AKT1: variants seen among roughly 807,000 people sequenced by gnomAD.
The protein encoded by AKT1 is AKT serine/threonine kinase 1, also known as RAC-alpha serine/threonine-protein kinase.
Under a neutral mutation model 63.1 loss-of-function variants are expected in AKT1, and 21 were observed. The observed-to-expected ratio is 0.33, with a 90% CI of 0.24 to 0.48. AKT1 has a LOEUF of 0.48. AKT1 is among the 20% of genes least tolerant of loss of function. The pLI, the probability that AKT1 is intolerant of heterozygous loss-of-function variation, is 0.99. For synonymous variants in AKT1, 257 were observed against 253.1 expected, an observed-to-expected ratio of 1.02 and a Z score of -0.15; for missense variants, 382 against 666.0, an observed-to-expected ratio of 0.57 and a Z score of 4.69.
At chr14:104,779,937 C>T (rs1355970598) in intron 4 of AKT1, 151 bp downstream of exon 4, 12 of 1,184,408 alleles carry the variant, frequency 1.0e-5, no homozygotes, top group East Asian at 5.2e-5. Context: ...CCTCGGGACT[C>T]GGCCCAGAGA....
Position 104,773,994 on chromosome 14 carries a change from G to A in AKT1, c.634-14C>T. On this transcript the variant is annotated splice_polypyrimidine_tract_variant and intron_variant, in intron 8 of 14. Transcript: ENST00000649815. ...GTACTTCAGGGCCTGCAAGGAAGGG[G>A]AGCTGGAACTGCGGCCCCACAGGCA... 1.2e-6 allele frequency: 2 copies of A among 1,610,164 alleles called. No individual in the cohort carries two copies. The highest frequency in any genetic ancestry group is 1.7e-6 in the Non-Finnish European group (2 of 1,177,796).
At chr14:104,773,837 G>T in intron 9 of AKT1, 75 bp downstream of exon 9, 1 of 1,449,082 alleles carries the variant, frequency 6.9e-7, no homozygotes, top group Non-Finnish European at 9.5e-7. Context: ...AGTAGCCGAG[G>T]CTCCGGGAAG....
chr14:104,780,333 G>T, intron 3 of AKT1, 117 bp from the exon 4 acceptor site: 1 of 1,428,836 alleles, frequency 7.0e-7, no homozygotes, highest in Non-Finnish European at 9.4e-7. Context: ...TGAGTCCCAG[G>T]GGGCAGGCGC....
chr14:104,791,150 C>T (rs1294167942), intron 3 of AKT1, among the ~76,000 whole-genome samples: 2 of 152,146 alleles, frequency 1.3e-5, no homozygotes, highest in Admixed American at 6.5e-5. Flanking sequence ...CCTGGGTCAG[C>T]CCGAGATCCA....
rs1471154736 is a variant in AKT1 at position 104,792,617 on chromosome 14, C to T, written c.27G>A (p.Glu9=). The stretch of plus-strand genomic sequence containing the variant: ...ACTAACCTCGTTTGTGCAGCCAACC[C>T]TCCTTCACAATAGCCACGTCGCTCA... MSDVAIVK[E]GWLHKRGEYI... is the part of the protein sequence containing the mutation. Residue 9 remains glutamate (E), a synonymous_variant, in exon 3 of 15, where the codon GAG becomes GAA. Transcript: ENST00000649815. The T allele has an allele frequency of 1.2e-6, 2 of 1,611,870 alleles. No homozygotes were observed. Among genetic ancestry groups the T allele is most frequent in the East Asian group, 4.5e-5 (2 of 44,894 alleles).
At chr14:104,777,428 GAC>G (rs1421365139) in intron 4 of AKT1, 1 of 618,160 alleles carries the variant, frequency 1.6e-6, no homozygotes, top group East Asian at 1.4e-4. Context: ...GCACACCTGG[GAC>G]ACAGCCACAC....
chr14:104,775,246 A>G, intron 6 of AKT1, 39 bp from the exon 7 acceptor site: 1 of 1,610,508 alleles, frequency 6.2e-7, no homozygotes, highest in Non-Finnish European at 8.5e-7. Flanking sequence ...GGCGCTGCCA[A>G]CAGTGCCCAG....
Position 104,775,257 on chromosome 14 carries a change from C to A in AKT1, c.436-50G>T, listed in dbSNP as rs760422762. 1.8e-5 allele frequency: 29 copies of A among 1,607,432 alleles called. No homozygotes were observed. The African/African-American group carries it at 3.6e-4, about 20-fold the overall frequency. Reference sequence around the variant, plus strand: ...AAGCGGCGCTGCCAACAGTGCCCAGCTGGTCGGCATGCGTGGGGTGGCATG... The same window carrying A: ...AAGCGGCGCTGCCAACAGTGCCCAGATGGTCGGCATGCGTGGGGTGGCATG... On this transcript the variant is annotated intron_variant, in intron 6 of 14. Transcript: ENST00000649815.
At position 104,769,949 on chromosome 14, in the gene AKT1, G is replaced by C; in HGVS notation, c.*392C>G. ...GGCCCAGGGCCCCAGAGAGATGACAGATAGCTGGTGACAGACAGCCCAGGG... is the reference window on the plus strand; with the variant it reads ...GGCCCAGGGCCCCAGAGAGATGACACATAGCTGGTGACAGACAGCCCAGGG... On this transcript the variant is annotated 3_prime_UTR_variant, in exon 15 of 15. Transcript: ENST00000649815. 2 of 415,790 alleles carry C rather than the reference G, an allele frequency of 4.8e-6. No individual in the cohort carries two copies. The highest frequency in any genetic ancestry group is 4.5e-6 in the Non-Finnish European group (1 of 224,294). The allele number at this position is 415,790 out of a possible 1,614,324, so 25.8% of individuals were successfully genotyped here.
At chr14:104,791,531 G>T (rs1893626990) in intron 3 of AKT1, among the ~76,000 whole-genome samples, 1 of 152,096 alleles carries the variant, frequency 6.6e-6, no homozygotes, top group Admixed American at 6.5e-5. Context: ...CCACACCCCT[G>T]ATTCCCCCAG....
At chr14:104,791,982 A>G (rs1371894300) in intron 3 of AKT1, among the ~76,000 whole-genome samples, 1 of 152,166 alleles carries the variant, frequency 6.6e-6, no homozygotes, top group Non-Finnish European at 1.5e-5. Flanking sequence ...ACAGGGTTGG[A>G]AGGGGTGGGG....
intron 3 of AKT1, among the ~76,000 whole-genome samples, chr14:104,781,110 C>G (rs1351801902): frequency 6.6e-6 from 1 of 152,264 alleles, no homozygotes; most frequent in East Asian, 1.9e-4. Context: ...GGTGATAGCC[C>G]AGCAAGTACC....
rs138573028 is a variant in AKT1, at chr14:104,793,555, C to T, written c.-257-251G>A. On this transcript the variant is annotated intron_variant, in intron 1 of 14. Coordinates refer to ENST00000649815, the MANE Select transcript of AKT1 (RefSeq NM_001382430.1). Reference sequence around the variant, plus strand: ...AGACAAAGAGAGGTTCAGACAAGTCCGTCAGTGAGGAGCACCCAGTCCAGG... The same window carrying T: ...AGACAAAGAGAGGTTCAGACAAGTCTGTCAGTGAGGAGCACCCAGTCCAGG... The T allele has an allele frequency of 7.7e-4, 135 of 175,790 alleles. 1 individual carries two copies. Among genetic ancestry groups the T allele is most frequent in the African/African-American group, 3.0e-3 (127 of 42,358 alleles). 10.9% of individuals were successfully genotyped at this position (175,790 alleles called of 1,614,324 possible).
rs1311791806 is a variant in AKT1, at chr14:104,772,001, G to A, written c.1260+364C>T. The A allele has an allele frequency of 2.1e-5, 9 of 429,454 alleles. 1 individual carries two copies. In the South Asian group the frequency reaches 2.7e-4, roughly 13 times the overall value. The allele number at this position is 429,454 out of a possible 1,614,324, so 26.6% of individuals were successfully genotyped here. On this transcript the variant is annotated intron_variant, in intron 13 of 14. Transcript: ENST00000649815. The stretch of plus-strand genomic sequence containing the variant: ...AGGAGGAACTCGTGGAGGCCAAGGG[G>A]CAGCACCCCTGGTCCACCACCAGCC...
chr14:104,769,967 GC>G lies in AKT1; in HGVS notation c.*373del. ...GATGACAGATAGCTGGTGACAGACA[GC>G]CCAGGGCGGCTGGCTGACAGAGTGA... On this transcript the variant is annotated 3_prime_UTR_variant, in exon 15 of 15. Coordinates refer to ENST00000649815, the MANE Select transcript of AKT1 (RefSeq NM_001382430.1). 1 of 428,750 alleles carries G rather than the reference GC, an allele frequency of 2.3e-6. No homozygotes were observed. Among genetic ancestry groups the G allele is most frequent in the Non-Finnish European group, 4.3e-6 (1 of 231,580 alleles). The allele number at this position is 428,750 out of a possible 1,614,324, so 26.6% of individuals were successfully genotyped here. A position where few individuals can be genotyped will look rare whatever the true frequency, so the allele number is the denominator to read the frequency against.
intron 9 of AKT1, 82 bp from the exon 10 acceptor site, chr14:104,773,662 G>C (rs1892534428): frequency 1.3e-6 from 2 of 1,527,636 alleles, no homozygotes; most frequent in Non-Finnish European, 1.8e-6. Context: ...TCTCAGACCG[G>C]GTCTCGGCAT....
At chr14:104,782,801 G>A (rs1336854434) in intron 3 of AKT1, among the ~76,000 whole-genome samples, 1 of 152,146 alleles carries the variant, frequency 6.6e-6, no homozygotes, top group African/African-American at 2.4e-5. Flanking sequence ...GGAGGAGCAG[G>A]ATCCCCAGGG....
At chr14:104,784,469 C>T (rs1379003634) in intron 3 of AKT1, among the ~76,000 whole-genome samples, 1 of 152,200 alleles carries the variant, frequency 6.6e-6, no homozygotes, top group African/African-American at 2.4e-5. Flanking sequence ...ACAACCCCAG[C>T]CCTGGTCCCT....
At chr14:104,790,327 G>A (rs371933033) in intron 3 of AKT1, among the ~76,000 whole-genome samples, 252 of 152,316 alleles carry the variant, frequency 1.7e-3, no homozygotes, top group Non-Finnish European at 2.5e-3. Flanking sequence ...CGGGCCTGGA[G>A]GACAGTCACT....
Sources: gnomAD v4.1 joint callset for allele counts (sites outside exome capture counted in the v4.1 genomes callset) on GRCh38, gnomAD v4.1.1 for gene constraint, MANE v1.5 for transcripts, NCBI Gene and HGNC (gene_info 2026-07-23, HGNC 2026-07-21) for gene names.